ZCWPW2: variants seen among roughly 807,000 people sequenced by gnomAD.
ZCWPW2 encodes zinc finger CW-type and PWWP domain containing 2.
In ZCWPW2, 45 loss-of-function variants were observed where a neutral mutation model predicts 46.6. That is an observed-to-expected ratio of 0.96 (90% CI 0.76 to 1.24). ZCWPW2 has a LOEUF of 1.24. ZCWPW2 is among the 50% of genes most tolerant of loss of function. The pLI is 0.00. For missense variants in ZCWPW2, 429 were observed against 403.9 expected (o/e 1.06, Z -0.53); for synonymous variants, 152 against 137.1 (o/e 1.11, Z -0.76).
At chr3:28,443,571 C>T (rs1006214094) in intron 4 of ZCWPW2, among the ~76,000 whole-genome samples, 4 of 151,406 alleles carry the variant, frequency 2.6e-5, no homozygotes, top group Admixed American at 6.6e-5. Flanking sequence ...TAGCCAATAC[C>T]AGAGCTCTAC....
chr3:28,377,133 C>G (rs544638768), intron 1 of ZCWPW2, among the ~76,000 whole-genome samples: 26 of 151,076 alleles, frequency 1.7e-4, no homozygotes, highest in African/African-American at 5.3e-4. Flanking sequence ...TTGTTTCTTT[C>G]CAGAGAAAGA....
At chr3:28,397,153 T>C (rs1479073304) in intron 2 of ZCWPW2, among the ~76,000 whole-genome samples, 3 of 151,782 alleles carry the variant, frequency 2.0e-5, no homozygotes, top group Admixed American at 6.6e-5. Context: ...TCTGGTATTA[T>C]TCAAAACTCC....
intron 4 of ZCWPW2, among the ~76,000 whole-genome samples, chr3:28,475,011 T>A (rs1045596533): frequency 3.3e-5 from 5 of 151,862 alleles, no homozygotes; most frequent in African/African-American, 9.6e-5. Context: ...TATTATTATT[T>A]TTTTTATTTT....
At chr3:28,421,830 T>G (rs916489653) in intron 3 of ZCWPW2, among the ~76,000 whole-genome samples, 1 of 117,706 alleles carries the variant, frequency 8.5e-6, no homozygotes, top group African/African-American at 3.2e-5. Context: ...TGTTGGAGAA[T>G]AGTTTGTGTG....
intron 2 of ZCWPW2, among the ~76,000 whole-genome samples, chr3:28,396,445 A>G (rs1283770725): frequency 1.3e-5 from 2 of 152,196 alleles, no homozygotes; most frequent in African/African-American, 4.8e-5. Context: ...TGAACATTTC[A>G]TTTTTAAAAT....
chr3:28,399,524 A>C (rs1695840776), intron 2 of ZCWPW2, among the ~76,000 whole-genome samples: 1 of 152,180 alleles, frequency 6.6e-6, no homozygotes, highest in Non-Finnish European at 1.5e-5. Context: ...AACCTCCCAG[A>C]GTCCATTTCA....
At chr3:28,483,255 T>C (rs901103302) in intron 5 of ZCWPW2, among the ~76,000 whole-genome samples, 5 of 152,206 alleles carry the variant, frequency 3.3e-5, no homozygotes, top group Admixed American at 6.5e-5. Context: ...GTCTACTCCA[T>C]TGTATCACCT....
intron 2 of ZCWPW2, among the ~76,000 whole-genome samples, chr3:28,394,047 A>G (rs1045847336): frequency 6.6e-6 from 1 of 152,158 alleles, no homozygotes; most frequent in Non-Finnish European, 1.5e-5. Flanking sequence ...AGACTCCATC[A>G]TAAAACTGTT....
intron 1 of ZCWPW2, among the ~76,000 whole-genome samples, chr3:28,367,630 G>A (rs1285288366): frequency 6.6e-6 from 1 of 152,208 alleles, no homozygotes. Flanking sequence ...TGTTGATTTG[G>A]GGTGGAGAGT....
At chr3:28,471,698 C>T (rs1017317626) in intron 4 of ZCWPW2, among the ~76,000 whole-genome samples, 1 of 151,920 alleles carries the variant, frequency 6.6e-6, no homozygotes, top group African/African-American at 2.4e-5. Flanking sequence ...GACAAGGATG[C>T]CCATTGTTAT....
Position 28,429,001 on chromosome 3 carries a change from G to A in ZCWPW2, c.333-6109G>A, listed in dbSNP as rs188182782. Among the ~76,000 whole-genome samples, 400 of 152,262 alleles carry A rather than the reference G, an allele frequency of 2.6e-3. 2 individuals are homozygous for A. Among genetic ancestry groups the A allele is most frequent in the Middle Eastern group, 0.01 (3 of 294 alleles). On this transcript the variant is annotated intron_variant, in intron 3 of 9. Coordinates refer to ENST00000383768, the MANE Select transcript of ZCWPW2 (RefSeq NM_001040432.4). ...TGACAACAGACTAATACAGGAAATT[G>A]GTACCACACAGAGTGGGCTGCTGCT...
intron 4 of ZCWPW2, among the ~76,000 whole-genome samples, chr3:28,455,592 T>C (rs1210404087): frequency 6.6e-6 from 1 of 152,068 alleles, no homozygotes; most frequent in Non-Finnish European, 1.5e-5. Flanking sequence ...CCTAGTTTTT[T>C]TTTTCCAGTG....
chr3:28,413,479 A>G (rs1696492045), intron 3 of ZCWPW2, 79 bp downstream of exon 3: 1 of 1,249,446 alleles, frequency 8.0e-7, no homozygotes, highest in Non-Finnish European at 1.1e-6. Context: ...TTTGAAGACT[A>G]AACATTTTTC....
rs767232290 is a variant in ZCWPW2, at chr3:28,525,532, A to G, written c.*844A>G. On this transcript the variant is annotated 3_prime_UTR_variant, in exon 10 of 10. Coordinates refer to ENST00000383768, the MANE Select transcript of ZCWPW2 (RefSeq NM_001040432.4). The stretch of plus-strand genomic sequence containing the variant: ...TCTTTCTGGTGGTACGGGGTGGGGA[A>G]AAGGGCATTCCAAGCACATAAAAAC... Among the ~76,000 whole-genome samples, 24 of 152,016 alleles carry G rather than the reference A, an allele frequency of 1.6e-4. No individual in the cohort carries two copies. Among genetic ancestry groups the G allele is most frequent in the Non-Finnish European group, 2.9e-4 (20 of 67,986 alleles).
chr3:28,413,212 T>G lies in ZCWPW2; in HGVS notation c.144T>G (p.Asp48Glu), dbSNP rs748480716. The G allele has an allele frequency of 1.9e-6, 3 of 1,613,304 alleles. No individual in the cohort carries two copies. In the African/African-American group the frequency reaches 4.0e-5, roughly 22 times the overall value. Residue 48 changes from aspartate (D) to glutamate (E), a missense_variant, in exon 3 of 10, where the codon GAT becomes GAG. By Grantham distance (45) the Asp-to-Glu change is conservative. Coordinates refer to ENST00000383768, the MANE Select transcript of ZCWPW2 (RefSeq NM_001040432.4). ...AATGGAGATTGTTATCAAGTGAGGATTCAGCCAAGGTTGATCATGATGAAC... is the reference window on the plus strand; with the variant it reads ...AATGGAGATTGTTATCAAGTGAGGAGTCAGCCAAGGTTGATCATGATGAAC... Reference protein sequence around the residue: ...CLKWRLLSSEDSAKVDHDEPW... With the variant: ...CLKWRLLSSEESAKVDHDEPW...
At chr3:28,480,864 C>CT (rs56891846) in intron 5 of ZCWPW2, among the ~76,000 whole-genome samples, 3,240 of 121,974 alleles carry the variant, frequency 0.027, 56 homozygotes, top group Non-Finnish European at 0.031. Context: ...CATTTTTTTT[C>CT]TTTTTTTTTT....
At chr3:28,513,733 T>G (rs954182612) in intron 6 of ZCWPW2, among the ~76,000 whole-genome samples, 1 of 152,172 alleles carries the variant, frequency 6.6e-6, no homozygotes, top group Non-Finnish European at 1.5e-5. Flanking sequence ...GCATTTGATT[T>G]TTTTTTCTTT....
intron 4 of ZCWPW2, among the ~76,000 whole-genome samples, chr3:28,448,599 C>G (rs963974098): frequency 6.6e-6 from 1 of 151,064 alleles, no homozygotes; most frequent in African/African-American, 2.4e-5. Flanking sequence ...CGCCTGGCCA[C>G]CATGGAAAAA....
At chr3:28,475,810 G>A (rs1319885823) in intron 4 of ZCWPW2, among the ~76,000 whole-genome samples, 1 of 151,978 alleles carries the variant, frequency 6.6e-6, no homozygotes, top group African/African-American at 2.4e-5. Context: ...TCACCTTTTT[G>A]ATGAGAGTTA....
Sources: allele counts gnomAD v4.1 joint callset (sites outside exome capture counted in the v4.1 genomes callset), GRCh38; gene constraint gnomAD v4.1.1; transcripts MANE v1.5; gene names NCBI Gene and HGNC (gene_info 2026-07-23, HGNC 2026-07-21).